The following TLN2 variants were observed in gnomAD, a reference collection of about 807,000 sequenced individuals.
The protein encoded by TLN2 is talin-2.
TLN2 carries 118 observed loss-of-function variants against 294.7 expected under a neutral mutation model. That is an observed-to-expected ratio of 0.40 (90% CI 0.34 to 0.47). The LOEUF (loss-of-function observed/expected upper bound fraction) is 0.47, where lower values mean the gene tolerates loss of function less well. Among genes scored for constraint, TLN2 ranks in the 20% least tolerant of loss-of-function variants. TLN2 has a pLI of 0.84. For synonymous variants in TLN2, 1,431 were observed against 1,304.5 expected, an observed-to-expected ratio of 1.10 and a Z score of -2.09; for missense variants, 3,083 against 3,282.2, an observed-to-expected ratio of 0.94 and a Z score of 1.48.
At chr15:62,757,435 T>C (rs1308244847) in intron 37 of TLN2, among the ~76,000 whole-genome samples, 1 of 152,180 alleles carries the variant, frequency 6.6e-6, no homozygotes, top group East Asian at 1.9e-4. Flanking sequence ...TTAAAATCAA[T>C]CATTTTCTGG....
At chr15:62,399,259 A>AAAC (rs2032822106) in intron 1 of TLN2, among the ~76,000 whole-genome samples, 2 of 145,120 alleles carry the variant, frequency 1.4e-5, no homozygotes, top group South Asian at 4.3e-4. Context: ...TCTCAAACAA[A>AAAC]AAAAAAAAAA....
At chr15:62,507,276 G>A (rs941191174) in intron 1 of TLN2, among the ~76,000 whole-genome samples, 3 of 152,208 alleles carry the variant, frequency 2.0e-5, no homozygotes, top group African/African-American at 7.2e-5. Context: ...TCAAGACGAA[G>A]TTATCAGTCA....
chr15:62,433,696 A>G (rs1292849187), intron 1 of TLN2, among the ~76,000 whole-genome samples: 2 of 152,060 alleles, frequency 1.3e-5, no homozygotes. Flanking sequence ...TAATCTTATC[A>G]TACCTGCCTC....
intron 1 of TLN2, among the ~76,000 whole-genome samples, chr15:62,539,540 C>A (rs564996336): frequency 6.6e-6 from 1 of 152,276 alleles, no homozygotes; most frequent in East Asian, 1.9e-4. Context: ...TTAAAGTCAG[C>A]ATCACTCTGA....
chr15:62,528,004 C>T (rs1321944121), intron 1 of TLN2, among the ~76,000 whole-genome samples: 2 of 152,150 alleles, frequency 1.3e-5, no homozygotes, highest in Non-Finnish European at 2.9e-5. Context: ...GAATATATGA[C>T]TTACCCTGGA....
At position 62,411,813 on chromosome 15, in the gene TLN2, A is replaced by C. The variant is rs77817755; in HGVS notation, c.-238+21128A>C. 2.0e-3 allele frequency among the ~76,000 whole-genome samples: 305 copies of C among 152,264 alleles called. 2 individuals are homozygous for C. Among genetic ancestry groups the C allele is most frequent in the African/African-American group, 6.0e-3 (249 of 41,554 alleles). On this transcript the variant is annotated intron_variant, in intron 1 of 58. Transcript: ENST00000636159. ...CTCTCAAAATGGGGGCCCTAGAAGC[A>C]GGGGCTAGGCTGTTAGATTTTAAGT...
At chr15:62,582,538 A>G (rs908440640) in intron 1 of TLN2, among the ~76,000 whole-genome samples, 1 of 152,184 alleles carries the variant, frequency 6.6e-6, no homozygotes, top group Non-Finnish European at 1.5e-5. Context: ...GAGCAGGTGG[A>G]ACTTGATGGA....
chr15:62,664,462 C>A (rs1336995264), intron 9 of TLN2, among the ~76,000 whole-genome samples: 1 of 151,966 alleles, frequency 6.6e-6, no homozygotes, highest in Non-Finnish European at 1.5e-5. Flanking sequence ...GAATATGAAT[C>A]TTTATATTTA....
chr15:62,590,688 A>T (rs556816621), intron 2 of TLN2, among the ~76,000 whole-genome samples: 15 of 152,268 alleles, frequency 9.9e-5, no homozygotes, highest in Non-Finnish European at 2.2e-4. Flanking sequence ...ATTGTTTTCC[A>T]GTTTTGGTTG....
At chr15:62,451,305 G>T (rs528823946) in intron 1 of TLN2, among the ~76,000 whole-genome samples, 1 of 152,260 alleles carries the variant, frequency 6.6e-6, no homozygotes, top group East Asian at 1.9e-4. Flanking sequence ...TGGCAGTCTC[G>T]CCAGGTCAGG....
At chr15:62,463,922 A>G (rs28525489) in intron 1 of TLN2, among the ~76,000 whole-genome samples, 1,682 of 152,288 alleles carry the variant, frequency 0.011, 38 homozygotes, top group African/African-American at 0.039. Flanking sequence ...AAAACCAGGA[A>G]ACAACAGATG....
At chr15:62,575,605 A>AACAC (rs147438095) in intron 1 of TLN2, among the ~76,000 whole-genome samples, 1,509 of 150,070 alleles carry the variant, frequency 0.01, 9 homozygotes, top group East Asian at 0.053. Flanking sequence ...TCACTTAAAA[A>AACAC]ACACACACAC....
chr15:62,694,196 C>G (rs967440277), intron 13 of TLN2, 120 bp from the exon 14 acceptor site: 18 of 742,412 alleles, frequency 2.4e-5, no homozygotes, highest in Admixed American at 4.5e-5. Flanking sequence ...AGGTTTGTCT[C>G]GAACTCCTGA....
intron 9 of TLN2, among the ~76,000 whole-genome samples, chr15:62,666,675 T>C (rs74753630): frequency 1.3e-5 from 2 of 152,334 alleles, no homozygotes; most frequent in East Asian, 1.9e-4. Context: ...CTTGCCACTC[T>C]AGGCGTTTCC....
Position 62,573,220 on chromosome 15 carries a change from A to G in TLN2, c.-237-16467A>G, listed in dbSNP as rs145095453. On this transcript the variant is annotated intron_variant, in intron 1 of 58. Coordinates refer to ENST00000636159, the MANE Select transcript of TLN2 (RefSeq NM_015059.3). ...CCTCACCGGCTCTTTGACCTCCTCAAAACCTCCCTGCAGAACTCCTCCTTG... is the reference window on the plus strand; with the variant it reads ...CCTCACCGGCTCTTTGACCTCCTCAGAACCTCCCTGCAGAACTCCTCCTTG... 5.3e-5 allele frequency among the ~76,000 whole-genome samples: 8 copies of G among 151,968 alleles called. No homozygotes were observed. In the East Asian group the frequency reaches 1.6e-3, roughly 29 times the overall value.
chr15:62,544,239 A>G (rs1405302748), intron 1 of TLN2, among the ~76,000 whole-genome samples: 1 of 152,136 alleles, frequency 6.6e-6, no homozygotes, highest in Non-Finnish European at 1.5e-5. Context: ...TCTTCCCTGT[A>G]ATAGGTGAGT....
At chr15:62,441,488 A>C (rs1184469050) in intron 1 of TLN2, among the ~76,000 whole-genome samples, 4 of 152,208 alleles carry the variant, frequency 2.6e-5, no homozygotes, top group African/African-American at 9.6e-5. Context: ...AAACCAAGAT[A>C]TTATTTCCTA....
intron 21 of TLN2, among the ~76,000 whole-genome samples, chr15:62,709,092 A>G (rs1487917443): frequency 1.3e-5 from 2 of 152,196 alleles, no homozygotes; most frequent in East Asian, 3.8e-4. Flanking sequence ...ACGGTATGGC[A>G]AAGTTGGAGC....
At chr15:62,524,289 G>A (rs2040617450) in intron 1 of TLN2, among the ~76,000 whole-genome samples, 1 of 152,168 alleles carries the variant, frequency 6.6e-6, no homozygotes. Context: ...CTTTCACAAA[G>A]CTGTGAGTAG....
Sources: gnomAD v4.1 joint callset for allele counts (sites outside exome capture counted in the v4.1 genomes callset) on GRCh38, gnomAD v4.1.1 for gene constraint, MANE v1.5 for transcripts, NCBI Gene and HGNC (gene_info 2026-07-23, HGNC 2026-07-21) for gene names.